The following GALNT16 variants were observed in gnomAD, a reference collection of about 807,000 sequenced individuals.
GALNT16 encodes UDP-GalNAc:polypeptide N-acetylgalactosaminyltransferase-like protein 1.
In GALNT16, 40 loss-of-function variants were observed where a neutral mutation model predicts 76.1. That is an observed-to-expected ratio of 0.53 (90% CI 0.41 to 0.68). GALNT16 has a LOEUF of 0.68. Among genes scored for constraint, GALNT16 ranks in the 30% least tolerant of loss-of-function variants. GALNT16 has a pLI of 0.00. For synonymous variants in GALNT16, 276 were observed against 285.2 expected, an observed-to-expected ratio of 0.97 and a Z score of 0.32; for missense variants, 621 against 731.9, an observed-to-expected ratio of 0.85 and a Z score of 1.75.
At chr14:69,385,885 T>C in the GALNT16 span, among the ~76,000 whole-genome samples, 2 of 152,166 alleles carry the variant, frequency 1.3e-5, no homozygotes, top group African/African-American at 4.8e-5. Flanking sequence ...CAGGATATCA[T>C]TGCTCCCTGC....
At chr14:69,295,773 C>G (rs2044752108) in intron 1 of GALNT16, among the ~76,000 whole-genome samples, 1 of 144,394 alleles carries the variant, frequency 6.9e-6, no homozygotes, top group Non-Finnish European at 1.5e-5. Flanking sequence ...TTCATCGAAA[C>G]CACTCACAAT....
chr14:69,348,256 C>A, intron 14 of GALNT16: 1 of 591,866 alleles, frequency 1.7e-6, no homozygotes, highest in South Asian at 2.1e-5. Flanking sequence ...GACCACTTGT[C>A]TTGTTAACAC....
downstream of GALNT16, among the ~76,000 whole-genome samples, chr14:69,359,794 G>A (rs115869719): frequency 4.0e-3 from 606 of 151,394 alleles, 6 homozygotes; most frequent in African/African-American, 0.013. Context: ...TTGGGAGGCC[G>A]CGGTGGGCAA....
chr14:69,295,726 A>C lies in GALNT16; in HGVS notation c.178-24985A>C, dbSNP rs556251915. Among the ~76,000 whole-genome samples, 5 of 152,290 alleles carry C rather than the reference A, an allele frequency of 3.3e-5. No individual in the cohort carries two copies. In the South Asian group the frequency reaches 1.0e-3, roughly 32 times the overall value. On this transcript the variant is annotated intron_variant, in intron 1 of 14. Transcript: ENST00000448469. Reference sequence around the variant, plus strand: ...CAGAGCGAGACTCCATCTCAAAAAAAATTAAAAAATTAACATTAACATTTT... The same window carrying C: ...CAGAGCGAGACTCCATCTCAAAAAACATTAAAAAATTAACATTAACATTTT...
chr14:69,324,839 A>G lies in GALNT16; in HGVS notation c.434+49A>G. 3.1e-6 allele frequency: 4 copies of G among 1,284,864 alleles called. No individual in the cohort carries two copies. In the South Asian group the frequency reaches 5.7e-5, roughly 18 times the overall value. 79.6% of individuals were successfully genotyped at this position (1,284,864 alleles called of 1,614,324 possible). A position where few individuals can be genotyped will look rare whatever the true frequency, so the allele number is the denominator to read the frequency against. On this transcript the variant is annotated intron_variant, in intron 3 of 14. Transcript: ENST00000448469. ...ATCTCAGTGGTGCTGGCAGGGGAGG[A>G]CATTGGGATTGGGCGCTGTGGCCAG... is the stretch of plus-strand genomic sequence containing the variant.
the GALNT16 span, among the ~76,000 whole-genome samples, chr14:69,372,491 CTTTTTT>C: frequency 3.0e-4 from 31 of 103,778 alleles, no homozygotes; most frequent in African/African-American, 6.6e-4. Context: ...GATCATTAGC[CTTTTTT>C]TTTTTTTTTT....
At chr14:69,338,150 G>A (rs1414114166) in intron 9 of GALNT16, among the ~76,000 whole-genome samples, 2 of 152,220 alleles carry the variant, frequency 1.3e-5, no homozygotes, top group Non-Finnish European at 2.9e-5. Context: ...GCCAGTGAGA[G>A]CCTGTACAAG....
intron 6 of GALNT16, among the ~76,000 whole-genome samples, chr14:69,329,702 G>T (rs746250980): frequency 3.3e-5 from 5 of 152,100 alleles, no homozygotes; most frequent in Admixed American, 6.5e-5. Context: ...GAGGCCTCAG[G>T]GAGCTTTATT....
At chr14:69,291,861 G>A (rs750036698) in intron 1 of GALNT16, among the ~76,000 whole-genome samples, 147 of 152,296 alleles carry the variant, frequency 9.7e-4, no homozygotes, top group African/African-American at 1.5e-3. Flanking sequence ...AAACTGATCC[G>A]TGCCATAAAA....
chr14:69,369,529 A>T, the GALNT16 span, among the ~76,000 whole-genome samples: 2 of 152,190 alleles, frequency 1.3e-5, no homozygotes, highest in African/African-American at 4.8e-5. Flanking sequence ...ACTGTGAACC[A>T]CTGGCATGTG....
At position 69,263,529 on chromosome 14, in the gene GALNT16, C is replaced by T. The variant is rs188118617; in HGVS notation, c.177+3062C>T. Among the ~76,000 whole-genome samples, 30 of 152,294 alleles carry T rather than the reference C, an allele frequency of 2.0e-4. No homozygotes were observed. In the East Asian group the frequency reaches 5.0e-3, roughly 25 times the overall value. ...TCAGAGGCTGGCAAATTCAGACAGG[C>T]GTCATCATTGCTCCCTTGGGGAATC... On this transcript the variant is annotated intron_variant, in intron 1 of 14. Transcript: ENST00000448469.
chr14:69,381,891 T>C, the GALNT16 span, among the ~76,000 whole-genome samples: 2 of 152,248 alleles, frequency 1.3e-5, no homozygotes, highest in African/African-American at 4.8e-5. Flanking sequence ...GGTTTCACTA[T>C]GTTGGCCAGG....
rs1308814598 is a variant in GALNT16, at chr14:69,320,825, A to C, written c.292A>C (p.Lys98Gln). The change falls in exon 2 of 15, where the codon AAG becomes CAG. Residue 98 changes from lysine (K) to glutamine (Q), a missense_variant. Transcript: ENST00000448469. ...QHAFNQLESD[K>Q]LSPDRPIRDT... ...CGCCTTCAACCAGCTGGAGAGTGAC[A>C]AGCTGAGCCCAGACCGGCCCATCCG... is the stretch of plus-strand genomic sequence containing the variant. 2.5e-6 allele frequency: 4 copies of C among 1,614,176 alleles called. No homozygotes were observed. Among genetic ancestry groups the C allele is most frequent in the Non-Finnish European group, 3.4e-6 (4 of 1,180,014 alleles).
At chr14:69,264,548 T>TA (rs1217251324) in intron 1 of GALNT16, among the ~76,000 whole-genome samples, 4 of 152,174 alleles carry the variant, frequency 2.6e-5, no homozygotes, top group Admixed American at 6.5e-5. Flanking sequence ...ATGATGGCTT[T>TA]TCTGGTAGTG....
At chr14:69,262,817 T>C (rs1279543798) in intron 1 of GALNT16, among the ~76,000 whole-genome samples, 1 of 152,200 alleles carries the variant, frequency 6.6e-6, no homozygotes, top group Non-Finnish European at 1.5e-5. Context: ...AAGTGATGCA[T>C]GCGGGAACTG....
At chr14:69,317,238 C>T (rs2045115956) in intron 1 of GALNT16, among the ~76,000 whole-genome samples, 1 of 152,180 alleles carries the variant, frequency 6.6e-6, no homozygotes, top group African/African-American at 2.4e-5. Flanking sequence ...ACTTAGTGAG[C>T]AACATGGATG....
chr14:69,351,356 C>T (rs2045634400), intron 14 of GALNT16: 1 of 152,228 alleles, frequency 6.6e-6, no homozygotes, highest in Non-Finnish European at 1.5e-5. Context: ...GGCAAATCCT[C>T]AGCCCCAGCA....
intron 10 of GALNT16, among the ~76,000 whole-genome samples, chr14:69,339,244 T>C (rs1208428165): frequency 6.6e-6 from 1 of 152,202 alleles, no homozygotes; most frequent in African/African-American, 2.4e-5. Context: ...GGACTTGTCA[T>C]GAGCACCCTC....
chr14:69,327,870 G>A (rs1431977250), intron 5 of GALNT16, among the ~76,000 whole-genome samples: 1 of 152,228 alleles, frequency 6.6e-6, no homozygotes, highest in African/African-American at 2.4e-5. Flanking sequence ...CCTGACATGT[G>A]TGGGTCTCCC....
Sources: gnomAD v4.1 joint callset for allele counts (sites outside exome capture counted in the v4.1 genomes callset) on GRCh38, gnomAD v4.1.1 for gene constraint, MANE v1.5 for transcripts, NCBI Gene and HGNC (gene_info 2026-07-23, HGNC 2026-07-21) for gene names.